The following ZNF670 variants were observed in gnomAD, a reference collection of about 807,000 sequenced individuals.
The protein encoded by ZNF670 is zinc finger protein 670.
A neutral mutation model predicts 10.9 loss-of-function variants in ZNF670; 7 were observed. That is an observed-to-expected ratio of 0.64 (90% CI 0.36 to 1.20). The LOEUF (loss-of-function observed/expected upper bound fraction) is 1.20, where lower values mean the gene tolerates loss of function less well. ZNF670 is among the 50% of genes most tolerant of loss of function. ZNF670 has a pLI of 0.02. For synonymous variants in ZNF670, 136 were observed against 152.7 expected (o/e 0.89, Z 0.81); for missense variants, 446 against 458.6 (o/e 0.97, Z 0.25).
rs1670139376 is a variant in ZNF670 at position 247,035,944 on chromosome 1, G to A, written c.*1505C>T. On this transcript the variant is annotated 3_prime_UTR_variant, in exon 4 of 4. Coordinates refer to ENST00000366503, the MANE Select transcript of ZNF670 (RefSeq NM_033213.5). ...AAATCCTCTAATGAGCATTTCTGTT[G>A]AGCATAAGACTGGTGCTCAAACAGT... Among the ~76,000 whole-genome samples, 1 of 152,166 alleles carries A rather than the reference G, an allele frequency of 6.6e-6. No homozygotes were observed. Among genetic ancestry groups the A allele is most frequent in the African/African-American group, 2.4e-5 (1 of 41,426 alleles).
At chr1:247,073,592 C>T (rs1671187213) in intron 1 of ZNF670, among the ~76,000 whole-genome samples, 1 of 152,198 alleles carries the variant, frequency 6.6e-6, no homozygotes, top group South Asian at 2.1e-4. Context: ...GACCACTCTC[C>T]CAGAGTCAGG....
At chr1:247,055,159 C>G (rs746869645) in intron 1 of ZNF670, among the ~76,000 whole-genome samples, 1 of 152,252 alleles carries the variant, frequency 6.6e-6, no homozygotes. Context: ...AGACCCAACA[C>G]AGAAACACCT....
chr1:247,044,250 A>G (rs956175141), intron 1 of ZNF670, among the ~76,000 whole-genome samples: 15 of 149,518 alleles, frequency 1.0e-4, no homozygotes, highest in East Asian at 5.8e-4. Flanking sequence ...AAATAATTGG[A>G]AAAAAAAAAC....
At position 247,035,436 on chromosome 1, in the gene ZNF670, T is replaced by C. The variant is rs1157571384; in HGVS notation, c.*2013A>G. ...AGTATCAAGAACGTGAGATGCTTCT[T>C]GGTTCTCATAAGGATGCAATTGGTT... On this transcript the variant is annotated 3_prime_UTR_variant, in exon 4 of 4. Transcript: ENST00000366503. 6.6e-6 allele frequency among the ~76,000 whole-genome samples: 1 copy of C among 152,304 alleles called. No individual in the cohort carries two copies. The highest frequency in any genetic ancestry group is 2.4e-5 in the African/African-American group (1 of 41,560).
intron 1 of ZNF670, among the ~76,000 whole-genome samples, chr1:247,069,767 T>C (rs1671073155): frequency 6.6e-6 from 1 of 152,220 alleles, no homozygotes; most frequent in Non-Finnish European, 1.5e-5. Flanking sequence ...CACAAGTTCT[T>C]ACTTATTTGT....
intron 1 of ZNF670, among the ~76,000 whole-genome samples, chr1:247,057,254 T>C (rs1310087652): frequency 6.6e-6 from 1 of 152,188 alleles, no homozygotes; most frequent in East Asian, 1.9e-4. Context: ...GAAAAGATGC[T>C]CAGTATCACT....
In ZNF670 at chr1:247,076,258, A is replaced by AT. The variant is rs761879742; in HGVS notation, c.3+2335dup. The stretch of plus-strand genomic sequence containing the variant: ...GTACTGTGCCCCACTGTGTGCTTGA[A>AT]TTTTTTTTTTTTTTTTGGGACGGAG... On this transcript the variant is annotated intron_variant, in intron 1 of 3. Transcript: ENST00000366503. Among the ~76,000 whole-genome samples, 628 of 141,608 alleles carry AT rather than the reference A, an allele frequency of 4.4e-3. 3 individuals are homozygous for AT. Among genetic ancestry groups the AT allele is most frequent in the Middle Eastern group, 0.011 (3 of 276 alleles). 92.9% of individuals were successfully genotyped at this position (141,608 alleles called of 152,430 possible).
intron 1 of ZNF670, among the ~76,000 whole-genome samples, chr1:247,078,142 C>A (rs373473529): frequency 6.6e-6 from 1 of 152,206 alleles, no homozygotes; most frequent in African/African-American, 2.4e-5. Flanking sequence ...TTCCCCAAAC[C>A]ACAAACCACG....
intron 1 of ZNF670, among the ~76,000 whole-genome samples, chr1:247,059,077 A>C (rs970326802): frequency 2.0e-5 from 3 of 152,170 alleles, no homozygotes; most frequent in African/African-American, 4.8e-5. Flanking sequence ...TACATTACAA[A>C]AGAAAACAAC....
At chr1:247,060,747 A>C (rs997558272) in intron 1 of ZNF670, among the ~76,000 whole-genome samples, 6 of 152,242 alleles carry the variant, frequency 3.9e-5, no homozygotes, top group Non-Finnish European at 8.8e-5. Context: ...CACACAGAAT[A>C]AAATTTTCAT....
In ZNF670 at chr1:247,036,672, T is replaced by C. The variant is rs1670158025; in HGVS notation, c.*777A>G. 2 of 151,992 alleles carry C rather than the reference T, an allele frequency of 1.3e-5. No individual in the cohort carries two copies. Among genetic ancestry groups the C allele is most frequent in the African/African-American group, 4.8e-5 (2 of 41,368 alleles). 9.4% of individuals were successfully genotyped at this position (151,992 alleles called of 1,614,324 possible). A position where few individuals can be genotyped will look rare whatever the true frequency, so the allele number is the denominator to read the frequency against. ...CAAAGTGAGACCCTCTCTAAAAACATAACATTTTTTAAAAAAGTGAACTAT... is the reference window on the plus strand; with the variant it reads ...CAAAGTGAGACCCTCTCTAAAAACACAACATTTTTTAAAAAAGTGAACTAT... On this transcript the variant is annotated 3_prime_UTR_variant, in exon 4 of 4. Transcript: ENST00000366503.
rs562341082 is a variant in ZNF670 at position 247,059,207 on chromosome 1, C to T, written c.3+19387G>A. ...CTGTAATCCCAGCACTTTGGGAGGC[C>T]GAGGCGGGCGGATCATGAGGTCAGG... On this transcript the variant is annotated intron_variant, in intron 1 of 3. Transcript: ENST00000366503. 5.3e-4 allele frequency among the ~76,000 whole-genome samples: 81 copies of T among 152,044 alleles called. 2 individuals are homozygous for T. The East Asian group carries it at 8.9e-3, about 17-fold the overall frequency.
At chr1:247,051,959 G>A (rs796403601) in intron 1 of ZNF670, among the ~76,000 whole-genome samples, 1 of 146,006 alleles carries the variant, frequency 6.8e-6, no homozygotes, top group African/African-American at 2.5e-5. Context: ...TTGATGATAT[G>A]TGTTTGGAGA....
At chr1:247,072,073 G>A (rs1255932723) in intron 1 of ZNF670, among the ~76,000 whole-genome samples, 1 of 151,740 alleles carries the variant, frequency 6.6e-6, no homozygotes, top group Non-Finnish European at 1.5e-5. Flanking sequence ...TAGCCAGGAT[G>A]ATCTTGATCT....
Position 247,072,853 on chromosome 1 carries a change from T to TACACACACACACACACAC in ZNF670, c.3+5740_3+5741insGTGTGTGTGTGTGTGTGT, listed in dbSNP as rs67112261. On this transcript the variant is annotated intron_variant, in intron 1 of 3. Coordinates refer to ENST00000366503, the MANE Select transcript of ZNF670 (RefSeq NM_033213.5). The stretch of plus-strand genomic sequence containing the variant: ...ATATATATATATGCATACACACACA[T>TACACACACACACACACAC]ACACACACACACACAAACATCTTTT... Among the ~76,000 whole-genome samples, 608 of 99,846 alleles carry TACACACACACACACACAC rather than the reference T, an allele frequency of 6.1e-3. 35 individuals carry two copies. Among genetic ancestry groups the TACACACACACACACACAC allele is most frequent in the African/African-American group, 0.023 (580 of 25,580 alleles). The allele number at this position is 99,846 out of a possible 152,430, so 65.5% of individuals were successfully genotyped here. A position where few individuals can be genotyped will look rare whatever the true frequency, so the allele number is the denominator to read the frequency against.
intron 1 of ZNF670, among the ~76,000 whole-genome samples, chr1:247,075,698 C>T (rs567750705): frequency 4.7e-4 from 72 of 152,314 alleles, no homozygotes; most frequent in African/African-American, 1.3e-3. Flanking sequence ...TGTTGCCTTC[C>T]GCATGATTGT....
At chr1:247,066,331 G>C (rs1428904663) in intron 1 of ZNF670, among the ~76,000 whole-genome samples, 1 of 152,146 alleles carries the variant, frequency 6.6e-6, no homozygotes, top group African/African-American at 2.4e-5. Context: ...TAGGCATGGA[G>C]AGGTCCACTG....
chr1:247,069,856 G>A (rs1265407149), intron 1 of ZNF670, among the ~76,000 whole-genome samples: 1 of 152,172 alleles, frequency 6.6e-6, no homozygotes, highest in African/African-American at 2.4e-5. Flanking sequence ...GTGTAGTCAG[G>A]GGGACTAGGG....
intron 1 of ZNF670, among the ~76,000 whole-genome samples, chr1:247,065,377 G>A (rs898235359): frequency 6.6e-6 from 1 of 152,194 alleles, no homozygotes; most frequent in African/African-American, 2.4e-5. Flanking sequence ...CCCTGGTGAT[G>A]AGGAAAGAAA....
Sources: gnomAD v4.1 joint callset for allele counts (sites outside exome capture counted in the v4.1 genomes callset) on GRCh38, gnomAD v4.1.1 for gene constraint, MANE v1.5 for transcripts, NCBI Gene and HGNC (gene_info 2026-07-23, HGNC 2026-07-21) for gene names.